The following PSD3 variants were observed in gnomAD, a reference collection of about 807,000 sequenced individuals.
PSD3 encodes the protein pleckstrin and Sec7 domain containing 3, also known as PH and SEC7 domain-containing protein 3.
A neutral mutation model predicts 105.5 loss-of-function variants in PSD3; 49 were observed. The observed-to-expected ratio is 0.46, with a 90% CI of 0.37 to 0.59. PSD3 has a LOEUF of 0.59. PSD3 is among the 20% of genes least tolerant of loss of function. PSD3 has a pLI of 0.00. For synonymous variants in PSD3, 557 were observed against 457.8 expected (o/e 1.22, Z -2.77); for missense variants, 1,561 against 1,263.8 (o/e 1.24, Z -3.57).
At chr8:18,585,342 C>A (rs1803098744) in intron 12 of PSD3, among the ~76,000 whole-genome samples, 2 of 152,080 alleles carry the variant, frequency 1.3e-5, no homozygotes, top group Non-Finnish European at 2.9e-5. Flanking sequence ...ATTTTTGAGA[C>A]AGGCTCTCAC....
At chr8:18,624,952 T>A (rs955596888) in intron 11 of PSD3, among the ~76,000 whole-genome samples, 3 of 152,094 alleles carry the variant, frequency 2.0e-5, no homozygotes, top group Non-Finnish European at 4.4e-5. Flanking sequence ...CCCAGGCTGG[T>A]CTTGAATTCC....
intron 1 of PSD3, among the ~76,000 whole-genome samples, chr8:18,946,362 G>C (rs942003692): frequency 1.6e-4 from 25 of 152,156 alleles, no homozygotes; most frequent in African/African-American, 6.0e-4. Flanking sequence ...GATTGCCTGA[G>C]GCCAGGAGTT....
At chr8:18,718,344 G>C (rs1802733223) in intron 9 of PSD3, among the ~76,000 whole-genome samples, 1 of 152,126 alleles carries the variant, frequency 6.6e-6, no homozygotes, top group South Asian at 2.1e-4. Flanking sequence ...TTTCCCCATA[G>C]GGAATTATAA....
At chr8:18,958,457 G>T (rs1823715839) in intron 1 of PSD3, among the ~76,000 whole-genome samples, 1 of 151,540 alleles carries the variant, frequency 6.6e-6, no homozygotes, top group Non-Finnish European at 1.5e-5. Flanking sequence ...TTTACTTTTG[G>T]GTTCCCAGGA....
intron 1 of PSD3, among the ~76,000 whole-genome samples, chr8:18,973,393 T>C (rs1468936768): frequency 1.3e-5 from 2 of 152,226 alleles, no homozygotes; most frequent in Admixed American, 1.3e-4. Flanking sequence ...TGGTGCCATC[T>C]GGGTTGGATT....
chr8:18,728,387 A>G (rs1803485562), intron 9 of PSD3, among the ~76,000 whole-genome samples: 2 of 152,250 alleles, frequency 1.3e-5, no homozygotes, highest in Non-Finnish European at 2.9e-5. Context: ...AGGTGCACAT[A>G]GAAAGAACAC....
At chr8:18,899,918 T>G (rs1034394735) in intron 2 of PSD3, among the ~76,000 whole-genome samples, 3 of 152,162 alleles carry the variant, frequency 2.0e-5, no homozygotes, top group African/African-American at 7.2e-5. Flanking sequence ...GCCTATCCCT[T>G]CCTGCCTTAA....
At chr8:18,743,735 G>A (rs1482413238) in intron 9 of PSD3, among the ~76,000 whole-genome samples, 3 of 149,554 alleles carry the variant, frequency 2.0e-5, no homozygotes, top group Non-Finnish European at 4.4e-5. Context: ...CCAGGAATTT[G>A]AGACCAATCT....
At chr8:18,584,729 T>A (rs1803045256) in intron 12 of PSD3, among the ~76,000 whole-genome samples, 1 of 152,182 alleles carries the variant, frequency 6.6e-6, no homozygotes, top group African/African-American at 2.4e-5. Flanking sequence ...ACAGAAATGC[T>A]CTGCAGGGCT....
At chr8:18,814,901 A>C (rs1812076859) in intron 4 of PSD3, among the ~76,000 whole-genome samples, 1 of 152,220 alleles carries the variant, frequency 6.6e-6, no homozygotes, top group Non-Finnish European at 1.5e-5. Flanking sequence ...GCTGGGCAGC[A>C]AAAGGCGGCA....
intron 1 of PSD3, among the ~76,000 whole-genome samples, chr8:18,971,620 C>G (rs1824657322): frequency 6.6e-6 from 1 of 152,096 alleles, no homozygotes; most frequent in South Asian, 2.1e-4. Flanking sequence ...TTGAGTCCCT[C>G]AAAAAGGAAG....
At chr8:18,845,937 T>C (rs1326386104) in intron 4 of PSD3, among the ~76,000 whole-genome samples, 1 of 152,212 alleles carries the variant, frequency 6.6e-6, no homozygotes, top group African/African-American at 2.4e-5. Flanking sequence ...TTAAATGCAT[T>C]TGTAATAATC....
At chr8:18,945,926 A>C (rs7843163) in intron 1 of PSD3, among the ~76,000 whole-genome samples, 99,280 of 151,828 alleles carry the variant, frequency 0.65, 32,681 homozygotes, top group Non-Finnish European at 0.67. Context: ...GTGAGCCGAG[A>C]TCGCGCCATG....
intron 14 of PSD3, among the ~76,000 whole-genome samples, chr8:18,562,009 G>C (rs1801420671): frequency 6.6e-6 from 1 of 152,190 alleles, no homozygotes; most frequent in South Asian, 2.1e-4. Context: ...GAGAAGCTGT[G>C]AAAACTTAAA....
At chr8:18,587,000 A>G (rs968034073) in intron 12 of PSD3, among the ~76,000 whole-genome samples, 3 of 152,166 alleles carry the variant, frequency 2.0e-5, no homozygotes, top group Admixed American at 2.0e-4. Context: ...AGGAGGCCAA[A>G]TGAGTGAGCT....
intron 1 of PSD3, among the ~76,000 whole-genome samples, chr8:19,060,988 C>T (rs1253260370): frequency 6.6e-6 from 1 of 152,136 alleles, no homozygotes; most frequent in Non-Finnish European, 1.5e-5. Context: ...TGACTTCTTT[C>T]AGCCAGCCAC....
At chr8:18,880,895 A>C (rs1349403790) in intron 2 of PSD3, among the ~76,000 whole-genome samples, 2 of 152,232 alleles carry the variant, frequency 1.3e-5, no homozygotes, top group Non-Finnish European at 2.9e-5. Context: ...CACTAGTAGA[A>C]TGTGAATTAA....
chr8:18,902,517 G>C (rs982926542), intron 2 of PSD3, among the ~76,000 whole-genome samples: 1 of 152,126 alleles, frequency 6.6e-6, no homozygotes, highest in African/African-American at 2.4e-5. Flanking sequence ...TGTTATTACA[G>C]AGTTATTATG....
At chr8:18,761,685 C>T (rs12541534) in intron 9 of PSD3, among the ~76,000 whole-genome samples, 8,114 of 152,172 alleles carry the variant, frequency 0.053, 481 homozygotes, top group East Asian at 0.21. Context: ...GTCGTTAGTA[C>T]CTGTAATACT....
Sources: allele counts gnomAD v4.1 joint callset (sites outside exome capture counted in the v4.1 genomes callset), GRCh38; gene constraint gnomAD v4.1.1; transcripts MANE v1.5; gene names NCBI Gene and HGNC (gene_info 2026-07-23, HGNC 2026-07-21).